MEIKIN: variants seen among roughly 807,000 people sequenced by gnomAD.
MEIKIN encodes meiotic kinetochore factor, also known as meiosis-specific kinetochore protein.
intron 5 of MEIKIN, among the ~76,000 whole-genome samples, chr5:131,925,985 G>A (rs919154862): frequency 6.6e-6 from 1 of 152,044 alleles, no homozygotes; most frequent in Non-Finnish European, 1.5e-5. Flanking sequence ...TCTTTAGAGT[G>A]TTTTACATAT....
intron 9 of MEIKIN, among the ~76,000 whole-genome samples, chr5:131,872,875 A>C (rs1750532651): frequency 6.6e-6 from 1 of 152,256 alleles, no homozygotes; most frequent in Admixed American, 6.5e-5. Flanking sequence ...TTTTCAACCC[A>C]GCATTTCATA....
intron 12 of MEIKIN, among the ~76,000 whole-genome samples, chr5:131,815,094 A>G (rs1025372852): frequency 6.8e-6 from 1 of 146,820 alleles, no homozygotes; most frequent in African/African-American, 2.6e-5. Flanking sequence ...ATTGTCATCC[A>G]TGGTCTCATG....
At chr5:131,860,187 A>G (rs751480650) in intron 9 of MEIKIN, among the ~76,000 whole-genome samples, 5 of 151,718 alleles carry the variant, frequency 3.3e-5, no homozygotes, top group African/African-American at 1.2e-4. Flanking sequence ...ATCCATGAGC[A>G]TGAGATGTCT....
intron 11 of MEIKIN, 70 bp downstream of exon 11, chr5:131,851,194 C>T: frequency 2.5e-6 from 1 of 394,524 alleles, no homozygotes; most frequent in Non-Finnish European, 4.5e-6. Context: ...TATAGCACCT[C>T]ATATACAAAG....
At position 131,916,817 on chromosome 5, in the gene MEIKIN, T is replaced by C. The variant is rs1347553293; in HGVS notation, c.638+69A>G. The C allele has an allele frequency of 1.0e-5, 4 of 394,296 alleles. No homozygotes were observed. In the Admixed American group the frequency reaches 1.8e-4, roughly 17 times the overall value. 24.4% of individuals were successfully genotyped at this position (394,296 alleles called of 1,614,324 possible). A position where few individuals can be genotyped will look rare whatever the true frequency, so the allele number is the denominator to read the frequency against. ...ACCTGAGTTTGTGGACTAACAATCATATTTGCTATATAACTATTATAATAC... is the reference window on the plus strand; with the variant it reads ...ACCTGAGTTTGTGGACTAACAATCACATTTGCTATATAACTATTATAATAC... On this transcript the variant is annotated intron_variant, in intron 7 of 12. Transcript: ENST00000442687.
chr5:131,935,329 T>G (rs2108450), intron 4 of MEIKIN, among the ~76,000 whole-genome samples: 65,154 of 145,536 alleles, frequency 0.45, 17,355 homozygotes, highest in Non-Finnish European at 0.59. Flanking sequence ...CTATGAAAAC[T>G]CAATAATAAG....
chr5:131,808,400 A>G (rs1772887715), intron 12 of MEIKIN, among the ~76,000 whole-genome samples: 1 of 152,226 alleles, frequency 6.6e-6, no homozygotes, highest in Non-Finnish European at 1.5e-5. Flanking sequence ...CCTACAGTGC[A>G]TCATTTCTGA....
chr5:131,831,691 G>A (rs558263646), intron 11 of MEIKIN, among the ~76,000 whole-genome samples: 47 of 152,238 alleles, frequency 3.1e-4, no homozygotes, highest in African/African-American at 9.9e-4. Flanking sequence ...AGACATACCC[G>A]AGACTGGGAA....
At chr5:131,905,513 A>G (rs1751229140) in intron 8 of MEIKIN, among the ~76,000 whole-genome samples, 1 of 152,168 alleles carries the variant, frequency 6.6e-6, no homozygotes, top group South Asian at 2.1e-4. Flanking sequence ...TACTTCTCTA[A>G]AAGAATTAAT....
At chr5:131,855,978 A>G (rs1423694380) in intron 9 of MEIKIN, among the ~76,000 whole-genome samples, 2 of 152,182 alleles carry the variant, frequency 1.3e-5, no homozygotes, top group African/African-American at 4.8e-5. Context: ...GTTCTTTTTG[A>G]GTAGGTGTCT....
At chr5:131,818,695 T>C (rs1249042285) in intron 12 of MEIKIN, 45 bp downstream of exon 12, 7 of 394,320 alleles carry the variant, frequency 1.8e-5, no homozygotes, top group Non-Finnish European at 3.1e-5. Context: ...GAAAAAAATG[T>C]TTTATATCAT....
At chr5:131,875,342 C>T (rs1396073000) in intron 9 of MEIKIN, among the ~76,000 whole-genome samples, 2 of 152,158 alleles carry the variant, frequency 1.3e-5, no homozygotes, top group Non-Finnish European at 2.9e-5. Context: ...CATTCTTATA[C>T]ACCAATAACA....
chr5:131,910,031 A>G (rs1351013257), intron 8 of MEIKIN, among the ~76,000 whole-genome samples: 12 of 152,160 alleles, frequency 7.9e-5, no homozygotes, highest in Admixed American at 7.9e-4. Flanking sequence ...AAACATAAAA[A>G]TAGAGGTATC....
At chr5:131,845,215 A>AGCC (rs1749992898) in intron 11 of MEIKIN, among the ~76,000 whole-genome samples, 1 of 141,480 alleles carries the variant, frequency 7.1e-6, no homozygotes, top group Non-Finnish European at 1.5e-5. Context: ...GTTTGCAGTG[A>AGCC]GCCGAGATGG....
Position 131,808,912 on chromosome 5 carries a change from C to A in MEIKIN, c.1100-1654G>T, listed in dbSNP as rs114326630. On this transcript the variant is annotated intron_variant, in intron 12 of 12. Coordinates refer to ENST00000442687, the MANE Select transcript of MEIKIN (RefSeq NM_001303622.2). ...GCATCATGGTGAAACCCAGTCTCTA[C>A]AAAATACATAAAGATTAGGTAGGCA... Among the ~76,000 whole-genome samples the A allele has an allele frequency of 6.1e-3, 934 of 152,110 alleles. 6 individuals carry two copies. The highest frequency in any genetic ancestry group is 0.021 in the African/African-American group (886 of 41,490).
At chr5:131,839,907 A>AT (rs1749874446) in intron 11 of MEIKIN, among the ~76,000 whole-genome samples, 1 of 152,148 alleles carries the variant, frequency 6.6e-6, no homozygotes, top group Non-Finnish European at 1.5e-5. Flanking sequence ...TTATCTGGTT[A>AT]TTATTCAGAC....
At chr5:131,820,074 C>CTT (rs138803335) in intron 11 of MEIKIN, among the ~76,000 whole-genome samples, 2,890 of 112,776 alleles carry the variant, frequency 0.026, 195 homozygotes, top group African/African-American at 0.082. Context: ...CGCGCCCGGC[C>CTT]TTTTTTTTTT....
intron 4 of MEIKIN, among the ~76,000 whole-genome samples, chr5:131,934,368 A>G (rs537085539): frequency 7.2e-5 from 11 of 152,294 alleles, no homozygotes; most frequent in African/African-American, 2.6e-4. Context: ...ACACATACAC[A>G]AATATATTAA....
chr5:131,820,671 A>G (rs1330589496), intron 11 of MEIKIN, among the ~76,000 whole-genome samples: 1 of 152,098 alleles, frequency 6.6e-6, no homozygotes, highest in East Asian at 1.9e-4. Context: ...CTTTACTGGG[A>G]GACTATTATG....
Sources: allele counts gnomAD v4.1 joint callset (sites outside exome capture counted in the v4.1 genomes callset), GRCh38; gene constraint gnomAD v4.1.1; transcripts MANE v1.5; gene names NCBI Gene and HGNC (gene_info 2026-07-23, HGNC 2026-07-21).